FGD6: variants seen among roughly 807,000 people sequenced by gnomAD.
FGD6 encodes the protein FYVE, RhoGEF and PH domain containing 6, also known as FYVE, RhoGEF and PH domain-containing protein 6.
Under a neutral mutation model 149.4 loss-of-function variants are expected in FGD6, and 90 were observed. That is an observed-to-expected ratio of 0.60 (90% CI 0.51 to 0.72). The LOEUF (loss-of-function observed/expected upper bound fraction) is 0.72. Among genes scored for constraint, FGD6 ranks in the 30% least tolerant of loss-of-function variants. The pLI is 0.00. For missense variants in FGD6, 1,437 were observed against 1,684.8 expected (o/e 0.85, Z 2.57); for synonymous variants, 527 against 584.0 (o/e 0.90, Z 1.41).
Position 95,152,999 on chromosome 12 carries a change from G to GTT in FGD6, c.2587-7_2587-6insAA, listed in dbSNP as rs1880354259. 1 of 1,611,906 alleles carries GTT rather than the reference G, an allele frequency of 6.2e-7. No individual in the cohort carries two copies. On this transcript the variant is annotated splice_polypyrimidine_tract_variant and splice_region_variant and intron_variant, in intron 3 of 20. Transcript: ENST00000343958. ...TTCATTCCATTATCTTCATCCTGTGGATAAGAGCACATTTAACATGAACTC... is the reference window on the plus strand; with the variant it reads ...TTCATTCCATTATCTTCATCCTGTGGTTATAAGAGCACATTTAACATGAACTC...
At chr12:95,113,025 G>A (rs1878883752) in intron 9 of FGD6, among the ~76,000 whole-genome samples, 1 of 152,066 alleles carries the variant, frequency 6.6e-6, no homozygotes. Flanking sequence ...TATGGCACGG[G>A]CACAGAGTGA....
At chr12:95,107,671 A>C in intron 11 of FGD6, 40 bp from the exon 12 acceptor site, 1 of 1,595,904 alleles carries the variant, frequency 6.3e-7, no homozygotes, top group South Asian at 1.1e-5. Flanking sequence ...TCCTACCATC[A>C]CAACACAACG....
intron 14 of FGD6, among the ~76,000 whole-genome samples, chr12:95,098,431 T>C (rs1041540034): frequency 2.6e-5 from 4 of 152,158 alleles, no homozygotes; most frequent in African/African-American, 9.7e-5. Context: ...GCTCTTAGGC[T>C]AAAGACCAAA....
At chr12:95,168,640 G>T (rs1344355470) in intron 3 of FGD6, among the ~76,000 whole-genome samples, 1 of 151,770 alleles carries the variant, frequency 6.6e-6, no homozygotes, top group East Asian at 1.9e-4. Context: ...TCCAGCCTGG[G>T]AGACAAGAGT....
At chr12:95,103,862 A>C (rs1419800107) in intron 14 of FGD6, among the ~76,000 whole-genome samples, 1 of 152,198 alleles carries the variant, frequency 6.6e-6, no homozygotes, top group Admixed American at 6.5e-5. Flanking sequence ...AAAGCAAAAG[A>C]CTTCGATTTG....
At chr12:95,187,400 A>G (rs1881470447) in intron 2 of FGD6, among the ~76,000 whole-genome samples, 1 of 151,172 alleles carries the variant, frequency 6.6e-6, no homozygotes, top group Non-Finnish European at 1.5e-5. Context: ...ACACTTTGGG[A>G]GGCCGAGGCG....
chr12:95,113,024 G>C (rs961903587), intron 9 of FGD6, among the ~76,000 whole-genome samples: 23 of 152,060 alleles, frequency 1.5e-4, no homozygotes, highest in African/African-American at 5.6e-4. Flanking sequence ...ATATGGCACG[G>C]GCACAGAGTG....
rs60746514 is a variant in FGD6 at position 95,141,576 on chromosome 12, CAT to C, written c.2686-39_2686-38del. On this transcript the variant is annotated intron_variant, in intron 5 of 20. Coordinates refer to ENST00000343958, the MANE Select transcript of FGD6 (RefSeq NM_018351.4). ...CAGAGCAGGAAAAACAATACACACA[CAT>C]GTAACTTGATAACAAGCTTTTATCC... The C allele has an allele frequency of 3.3e-3, 5,349 of 1,608,794 alleles. 127 individuals are homozygous for C. The African/African-American group carries it at 0.059, about 18-fold the overall frequency.
intron 5 of FGD6, 137 bp from the exon 6 acceptor site, chr12:95,141,676 T>A: frequency 1.0e-6 from 1 of 966,468 alleles, no homozygotes; most frequent in Non-Finnish European, 1.5e-6. Flanking sequence ...AAATCTAAAG[T>A]ACCCCCTTCC....
At chr12:95,083,462 G>A (rs564908761) in intron 20 of FGD6, among the ~76,000 whole-genome samples, 3 of 151,896 alleles carry the variant, frequency 2.0e-5, no homozygotes, top group Non-Finnish European at 2.9e-5. Context: ...GATGAAAATT[G>A]TAAGAAAGCT....
chr12:95,145,719 C>T (rs1219992579), intron 5 of FGD6, among the ~76,000 whole-genome samples: 1 of 152,106 alleles, frequency 6.6e-6, no homozygotes, highest in Non-Finnish European at 1.5e-5. Flanking sequence ...GCTCTGTCGT[C>T]CAGGCTGGAG....
intron 3 of FGD6, among the ~76,000 whole-genome samples, chr12:95,161,911 C>T (rs1412352822): frequency 6.6e-6 from 1 of 151,900 alleles, no homozygotes; most frequent in Non-Finnish European, 1.5e-5. Context: ...TTTCAGATTC[C>T]CAGGTACTGT....
intron 8 of FGD6, among the ~76,000 whole-genome samples, chr12:95,120,374 T>C (rs1359377552): frequency 6.6e-6 from 1 of 151,624 alleles, no homozygotes; most frequent in Non-Finnish European, 1.5e-5. Context: ...ATTTGTGATA[T>C]AGAAAAAAAT....
chr12:95,121,421 GC>G (rs1314383449), intron 8 of FGD6, among the ~76,000 whole-genome samples: 20 of 137,888 alleles, frequency 1.5e-4, no homozygotes, highest in African/African-American at 5.6e-4. Flanking sequence ...TTGCACTCCA[GC>G]CTGGGTAATA....
intron 2 of FGD6, among the ~76,000 whole-genome samples, chr12:95,182,811 G>T (rs1451156959): frequency 3.3e-5 from 5 of 152,178 alleles, no homozygotes; most frequent in African/African-American, 7.2e-5. Flanking sequence ...AGTGGCTCAC[G>T]CCTGTAATCC....
intron 8 of FGD6, among the ~76,000 whole-genome samples, chr12:95,125,316 A>G (rs1056943437): frequency 6.6e-6 from 1 of 152,174 alleles, no homozygotes; most frequent in South Asian, 2.1e-4. Flanking sequence ...CATATACCCT[A>G]AACACTTTCC....
Position 95,085,874 on chromosome 12 carries a change from C to G in FGD6, c.4013G>C (p.Gly1338Ala). The G allele has an allele frequency of 6.2e-7, 1 of 1,611,640 alleles. No homozygotes were observed. The highest frequency in any genetic ancestry group is 8.5e-7 in the Non-Finnish European group (1 of 1,179,410). The change falls in exon 19 of 21, where the codon GGC becomes GCC. Residue 1338 changes from glycine (G) to alanine (A), a missense_variant. By Grantham distance (60) the Gly-to-Ala change is moderately conservative. Around this residue, in one of 2 missense-constraint regions of FGD6, gnomAD observed 382 missense variants for 538.7 expected, o/e 0.71. Transcript: ENST00000343958. ...SANTEDSSMS[G>A]YLYRSKGNKK... ...ATTGCCCTTTGATCTGTACAAGTAG[C>G]CACTCATAGAAGAATCCTCTGTGTT...
Position 95,082,984 on chromosome 12 carries a change from T to TTAAA in FGD6, c.4257-1429_4257-1428insTTTA, listed in dbSNP as rs1386719189. On this transcript the variant is annotated intron_variant, in intron 20 of 20. Transcript: ENST00000343958. The stretch of plus-strand genomic sequence containing the variant: ...CAACATTGCTAGACTCTGTCTCCAT[T>TTAAA]AAAAAAAAAAAAAAAAAAAAAAAAA... Among the ~76,000 whole-genome samples the TTAAA allele has an allele frequency of 2.9e-3, 91 of 31,132 alleles. 11 individuals are homozygous for TTAAA. The highest frequency in any genetic ancestry group is 6.4e-3 in the Admixed American group (10 of 1,566). The allele number at this position is 31,132 out of a possible 152,430, so 20.4% of individuals were successfully genotyped here.
intron 13 of FGD6, among the ~76,000 whole-genome samples, chr12:95,105,541 G>A (rs1471811149): frequency 1.3e-5 from 2 of 152,134 alleles, no homozygotes; most frequent in African/African-American, 2.4e-5. Context: ...AGGTATTTAC[G>A]TGTAGTGTAC....
Sources: gnomAD v4.1 joint callset for allele counts (sites outside exome capture counted in the v4.1 genomes callset) on GRCh38, gnomAD v4.1.1 for gene constraint, gnomAD v4.1.1 regional missense constraint, MANE v1.5 for transcripts, NCBI Gene and HGNC (gene_info 2026-07-23, HGNC 2026-07-21) for gene names.